Variants in RAB3GAP2 observed in about 807,000 individuals in gnomAD.
The protein encoded by RAB3GAP2 is RAB3 GTPase activating non-catalytic protein subunit 2.
A neutral mutation model predicts 185.3 loss-of-function variants in RAB3GAP2; 87 were observed. That is an observed-to-expected ratio of 0.47 (90% CI 0.39 to 0.56). The LOEUF (loss-of-function observed/expected upper bound fraction) is 0.56, where lower values mean the gene tolerates loss of function less well. RAB3GAP2 is among the 20% of genes least tolerant of loss of function. RAB3GAP2 has a pLI of 0.00. For missense variants in RAB3GAP2, 1,492 were observed against 1,638.2 expected (o/e 0.91, Z 1.54); for synonymous variants, 554 against 576.1 (o/e 0.96, Z 0.55).
At position 220,208,857 on chromosome 1, in the gene RAB3GAP2, C is replaced by T. The variant is rs148474224; in HGVS notation, c.612+1531G>A. 2.0e-3 allele frequency among the ~76,000 whole-genome samples: 310 copies of T among 152,310 alleles called. 7 individuals are homozygous for T. The East Asian group carries it at 0.052, about 26-fold the overall frequency. ...TCAGCCTTCCAAGTTGCTGGGACTACAGGCGCATGCCGCCATGCCCGGCTA... is the reference window on the plus strand; with the variant it reads ...TCAGCCTTCCAAGTTGCTGGGACTATAGGCGCATGCCGCCATGCCCGGCTA... On this transcript the variant is annotated intron_variant, in intron 7 of 34. Coordinates refer to ENST00000358951, the MANE Select transcript of RAB3GAP2 (RefSeq NM_012414.4).
intron 1 of RAB3GAP2, chr1:220,266,117 G>T (rs567599776): frequency 1.3e-4 from 20 of 156,870 alleles, no homozygotes; most frequent in African/African-American, 4.8e-4. Flanking sequence ...AATATACAAA[G>T]TAACATAAAG....
At chr1:220,183,896 A>G (rs1658459052) in intron 19 of RAB3GAP2, 140 bp downstream of exon 19, 6 of 625,844 alleles carry the variant, frequency 9.6e-6, no homozygotes, top group Admixed American at 6.5e-5. Flanking sequence ...ACAGAGAGCT[A>G]GCAGGGGGCT....
In RAB3GAP2 at chr1:220,210,944, T is replaced by C. The variant is rs1191517917; in HGVS notation, c.434+11A>G. The C allele has an allele frequency of 3.1e-6, 5 of 1,614,004 alleles. No homozygotes were observed. Among genetic ancestry groups the C allele is most frequent in the South Asian group, 1.1e-5 (1 of 91,062 alleles). On this transcript the variant is annotated intron_variant, in intron 5 of 34. Coordinates refer to ENST00000358951, the MANE Select transcript of RAB3GAP2 (RefSeq NM_012414.4). The stretch of plus-strand genomic sequence containing the variant: ...AAGCAAAGAAAACAGATGACTCTTA[T>C]TTATCCTTACCTCTTTTGGCTTGCT...
rs1659530108 is a variant in RAB3GAP2, at chr1:220,233,107, T to C, written c.116-244A>G. 2.0e-5 allele frequency among the ~76,000 whole-genome samples: 3 copies of C among 152,342 alleles called. No individual in the cohort carries two copies. The South Asian group carries it at 6.2e-4, about 32-fold the overall frequency. ...TGTGCAAGTTATTAGTGAAATTGTG[T>C]GTGAGTTATCTGGATCTTAAGATAT... On this transcript the variant is annotated intron_variant, in intron 1 of 34. Coordinates refer to ENST00000358951, the MANE Select transcript of RAB3GAP2 (RefSeq NM_012414.4).
chr1:220,190,118 T>C lies in RAB3GAP2; in HGVS notation c.1660A>G (p.Met554Val), dbSNP rs367548608. 50 of 1,613,496 alleles carry C rather than the reference T, an allele frequency of 3.1e-5. No homozygotes were observed. In the East Asian group the frequency reaches 5.1e-4, roughly 17 times the overall value. ...SDKKSERAKD[M>V]HLVKKLAALL... ...GCTGCTAGTTTCTTCACTAGGTGCA[T>C]ATCCTTGGCTCGTTCACTCTTCTTA... The change falls in exon 16 of 35, where the codon ATG becomes GTG. Residue 554 changes from methionine to valine, a missense_variant. Coordinates refer to ENST00000358951, the MANE Select transcript of RAB3GAP2 (RefSeq NM_012414.4).
intron 27 of RAB3GAP2, among the ~76,000 whole-genome samples, chr1:220,162,525 TGA>T (rs1657982370): frequency 6.6e-6 from 1 of 152,162 alleles, no homozygotes; most frequent in African/African-American, 2.4e-5. Flanking sequence ...TCATTAGTTA[TGA>T]GAGAAATACA....
rs368311514 is a variant in RAB3GAP2 at position 220,184,040 on chromosome 1, T to C, written c.1994A>G (p.Asp665Gly). Reference sequence around the variant, plus strand: ...ATAAAATGTGGGATTACTCACATTATCAGAGAATGGTGTGTCTAAATGAAA... The same window carrying C: ...ATAAAATGTGGGATTACTCACATTACCAGAGAATGGTGTGTCTAAATGAAA... Reference protein sequence around the residue: ...LDFHLDTPFSDNDLALLLRLD... With the variant: ...LDFHLDTPFSGNDLALLLRLD... The change falls in exon 19 of 35, where the codon GAT (aspartate) becomes GGT (glycine). Residue 665 changes from aspartate to glycine, a missense_variant. This residue lies in a region of RAB3GAP2 where 681 missense variants were observed against 689.1 expected (regional missense o/e 0.99). Coordinates refer to ENST00000358951, the MANE Select transcript of RAB3GAP2 (RefSeq NM_012414.4). 9 of 1,562,760 alleles carry C rather than the reference T, an allele frequency of 5.8e-6. No homozygotes were observed. The African/African-American group carries it at 1.2e-4, about 21-fold the overall frequency.
At chr1:220,163,343 G>C (rs1657998756) in intron 27 of RAB3GAP2, among the ~76,000 whole-genome samples, 1 of 151,738 alleles carries the variant, frequency 6.6e-6, no homozygotes, top group Non-Finnish European at 1.5e-5. Context: ...AGAAATACTA[G>C]TCTGAAGTCA....
Position 220,202,240 on chromosome 1 carries a change from G to T in RAB3GAP2, c.811+36C>A, listed in dbSNP as rs753475966. 22 of 1,596,694 alleles carry T rather than the reference G, an allele frequency of 1.4e-5. 1 individual carries two copies. In the South Asian group the frequency reaches 2.4e-4, roughly 17 times the overall value. ...GATACTTCAATAAAAAGTGTAAGAA[G>T]TAAATTCCAAGAGAATTTGAATTAG... On this transcript the variant is annotated intron_variant, in intron 9 of 34. Transcript: ENST00000358951.
intron 7 of RAB3GAP2, among the ~76,000 whole-genome samples, chr1:220,206,537 T>C (rs11118502): frequency 0.047 from 7,173 of 152,238 alleles, 584 homozygotes; most frequent in African/African-American, 0.16. Context: ...ACTTAACCAG[T>C]TCATATTGAC....
At chr1:220,152,375 C>A (rs1424203717) in intron 33 of RAB3GAP2, among the ~76,000 whole-genome samples, 1 of 152,254 alleles carries the variant, frequency 6.6e-6, no homozygotes, top group East Asian at 1.9e-4. Flanking sequence ...CCACGCCCAG[C>A]CCCTCTAATG....
intron 2 of RAB3GAP2, among the ~76,000 whole-genome samples, chr1:220,214,406 A>G (rs1659145005): frequency 6.6e-6 from 1 of 152,002 alleles, no homozygotes; most frequent in South Asian, 2.1e-4. Flanking sequence ...CGTGCCTGTA[A>G]TCCCAGCTAC....
intron 13 of RAB3GAP2, among the ~76,000 whole-genome samples, chr1:220,192,961 G>C (rs2102870717): frequency 6.6e-6 from 1 of 152,184 alleles, no homozygotes; most frequent in Admixed American, 6.5e-5. Context: ...ATGTAGCAGG[G>C]GCAAGAAACT....
intron 26 of RAB3GAP2, among the ~76,000 whole-genome samples, chr1:220,166,526 G>A (rs1360672103): frequency 1.3e-5 from 2 of 152,190 alleles, no homozygotes; most frequent in East Asian, 3.9e-4. Context: ...GAAAATAACA[G>A]GCCAGAGATT....
chr1:220,219,452 A>G (rs1350740876), intron 2 of RAB3GAP2: 1 of 152,232 alleles, frequency 6.6e-6, no homozygotes, highest in East Asian at 1.9e-4. Context: ...CAGTCCCTGG[A>G]CAATTTACAG....
chr1:220,200,422 G>T, intron 9 of RAB3GAP2: 1 of 361,858 alleles, frequency 2.8e-6, no homozygotes, highest in Non-Finnish European at 5.8e-6. Context: ...AGCTTTATCA[G>T]GGTGGGGTCC....
chr1:220,179,397 G>A (rs1008541820), intron 21 of RAB3GAP2, among the ~76,000 whole-genome samples: 1 of 152,080 alleles, frequency 6.6e-6, no homozygotes, highest in African/African-American at 2.4e-5. Flanking sequence ...AGATCTAAAG[G>A]GAGAGACAGA....
At chr1:220,203,363 A>G (rs913708990) in intron 8 of RAB3GAP2, among the ~76,000 whole-genome samples, 1 of 152,224 alleles carries the variant, frequency 6.6e-6, no homozygotes, top group African/African-American at 2.4e-5. Context: ...AAAGTGAAAA[A>G]TAATAATAAA....
At chr1:220,241,155 A>T (rs1217338045) in intron 1 of RAB3GAP2, among the ~76,000 whole-genome samples, 2 of 152,106 alleles carry the variant, frequency 1.3e-5, no homozygotes, top group East Asian at 3.8e-4. Flanking sequence ...AGCTCTATTT[A>T]ATTCCCAAAA....
Sources: gnomAD v4.1 joint callset for allele counts (sites outside exome capture counted in the v4.1 genomes callset) on GRCh38, gnomAD v4.1.1 for gene constraint, gnomAD v4.1.1 regional missense constraint, MANE v1.5 for transcripts, NCBI Gene and HGNC (gene_info 2026-07-23, HGNC 2026-07-21) for gene names.